MTHFD1L: variants seen among roughly 807,000 people sequenced by gnomAD.
The protein encoded by MTHFD1L is methylenetetrahydrofolate dehydrogenase (NADP+ dependent) 1 like, also known as monofunctional C1-tetrahydrofolate synthase, mitochondrial.
A neutral mutation model predicts 119.5 loss-of-function variants in MTHFD1L; 81 were observed. That is an observed-to-expected ratio of 0.68 (90% CI 0.57 to 0.82). The LOEUF is 0.82. Among genes scored for constraint, MTHFD1L ranks in the 40% least tolerant of loss-of-function variants. The pLI, the probability that MTHFD1L is intolerant of heterozygous loss-of-function variation, is 0.00. For missense variants in MTHFD1L, 1,125 were observed against 1,253.4 expected, an observed-to-expected ratio of 0.90 and a Z score of 1.55; for synonymous variants, 430 against 475.2, an observed-to-expected ratio of 0.90 and a Z score of 1.24.
At chr6:150,894,563 C>T (rs1208774080) in intron 7 of MTHFD1L, among the ~76,000 whole-genome samples, 1 of 152,216 alleles carries the variant, frequency 6.6e-6, no homozygotes, top group Non-Finnish European at 1.5e-5. Flanking sequence ...GACTCCCTTC[C>T]TCCAAAGCTG....
rs1281458363 is a variant in MTHFD1L at position 150,938,707 on chromosome 6, G to A, written c.1402G>A (p.Ala468Thr). 3.7e-6 allele frequency: 6 copies of A among 1,610,496 alleles called. No individual in the cohort carries two copies. Among genetic ancestry groups the A allele is most frequent in the African/African-American group, 1.3e-5 (1 of 74,834 alleles). The change falls in exon 13 of 28, where the codon GCG becomes ACG. Residue 468 changes from alanine (A) to threonine (T), a missense_variant. Physicochemically the swap from Ala to Thr is moderately conservative, Grantham distance 58. This residue lies in a region of MTHFD1L where 1,058 missense variants were observed against 1,151.2 expected (regional missense o/e 0.92). Transcript: ENST00000367321. ...CTTGCTCTGTTGTTTAGGAGGAGCCGCGGGTGGTGGATATGCCCAGGTCAT... is the reference window on the plus strand; with the variant it reads ...CTTGCTCTGTTGTTTAGGAGGAGCCACGGGTGGTGGATATGCCCAGGTCAT... ...GPTFGVKGGAAGGGYAQVIPM... is the reference protein window; with the variant it reads ...GPTFGVKGGATGGGYAQVIPM...
At chr6:151,075,597 A>T (rs770462052) in intron 26 of MTHFD1L, among the ~76,000 whole-genome samples, 8 of 152,210 alleles carry the variant, frequency 5.3e-5, no homozygotes, top group Non-Finnish European at 7.3e-5. Flanking sequence ...ATCAATAAGG[A>T]TTTAGAAGAC....
rs965882034 is a variant in MTHFD1L, at chr6:150,934,979, G to A, written c.1257-1825G>A. ...ATTTGCACCTGGAAATGGGGAATGG[G>A]CTATCAGACCAGACTTCTATCCTGT... On this transcript the variant is annotated intron_variant, in intron 11 of 27. Coordinates refer to ENST00000367321, the MANE Select transcript of MTHFD1L (RefSeq NM_015440.5). 3.2e-6 allele frequency: 5 copies of A among 1,548,456 alleles called. No homozygotes were observed. The African/African-American group carries it at 6.9e-5, about 21-fold the overall frequency.
At chr6:151,013,934 C>T (rs941539856) in intron 22 of MTHFD1L, 114 bp downstream of exon 22, 23 of 890,862 alleles carry the variant, frequency 2.6e-5, no homozygotes, top group Non-Finnish European at 3.5e-5. Flanking sequence ...CTGTTCTGTC[C>T]GGGCGCAGTG....
intron 20 of MTHFD1L, among the ~76,000 whole-genome samples, chr6:150,976,318 C>T (rs898183319): frequency 2.6e-5 from 4 of 152,182 alleles, no homozygotes; most frequent in African/African-American, 9.7e-5. Flanking sequence ...GGTTCTAACC[C>T]GTCAACCCTT....
At position 150,985,547 on chromosome 6, in the gene MTHFD1L, G is replaced by C. The variant is rs528037206; in HGVS notation, c.2125+13489G>C. 5.9e-5 allele frequency among the ~76,000 whole-genome samples: 9 copies of C among 151,458 alleles called. 1 individual carries two copies. The Middle Eastern group carries it at 0.017, about 286-fold the overall frequency. On this transcript the variant is annotated intron_variant, in intron 20 of 27. Coordinates refer to ENST00000367321, the MANE Select transcript of MTHFD1L (RefSeq NM_015440.5). ...TTGGTAGCATGCATTTGTAATCCCA[G>C]CTACTTGGGGGGCTGAGGAAAGAGA...
chr6:151,081,123 G>T (rs1047710182), intron 26 of MTHFD1L, among the ~76,000 whole-genome samples: 3 of 152,170 alleles, frequency 2.0e-5, no homozygotes, highest in Non-Finnish European at 4.4e-5. Context: ...CATTCAGCTG[G>T]TATCTGGAGT....
chr6:150,957,215 T>C (rs73017083), intron 17 of MTHFD1L, among the ~76,000 whole-genome samples: 20,677 of 152,244 alleles, frequency 0.14, 1,833 homozygotes, highest in Middle Eastern at 0.28. Flanking sequence ...TCAGTAAATA[T>C]CTGTTGAACA....
rs1158007442 is a variant in MTHFD1L, at chr6:151,026,820, C to CTTTTTTTTT, written c.2587-7654_2587-7646dup. ...TGAGATTTTTCCTGTCCTTTCTATC[C>CTTTTTTTTT]TTTTTTTTTTTTTTTTTTTTTTTTT... On this transcript the variant is annotated intron_variant, in intron 24 of 27. Transcript: ENST00000367321. Among the ~76,000 whole-genome samples the CTTTTTTTTT allele has an allele frequency of 9.7e-5, 5 of 51,284 alleles. 1 individual carries two copies. Among genetic ancestry groups the CTTTTTTTTT allele is most frequent in the Admixed American group, 6.7e-4 (2 of 2,970 alleles). 33.6% of individuals were successfully genotyped at this position (51,284 alleles called of 152,430 possible). A position where few individuals can be genotyped will look rare whatever the true frequency, so the allele number is the denominator to read the frequency against.
At chr6:151,074,112 GC>G (rs1792260320) in intron 26 of MTHFD1L, among the ~76,000 whole-genome samples, 2 of 152,198 alleles carry the variant, frequency 1.3e-5, no homozygotes, top group African/African-American at 4.8e-5. Flanking sequence ...AAAATTCACA[GC>G]CTAGAGTTTT....
At chr6:150,910,998 C>G (rs1326149453) in intron 8 of MTHFD1L, among the ~76,000 whole-genome samples, 3 of 152,160 alleles carry the variant, frequency 2.0e-5, no homozygotes, top group Admixed American at 6.5e-5. Context: ...GACTCTTGAA[C>G]TTTAGTAATT....
intron 17 of MTHFD1L, among the ~76,000 whole-genome samples, chr6:150,958,138 G>A (rs1795912293): frequency 6.6e-6 from 1 of 152,144 alleles, no homozygotes; most frequent in South Asian, 2.1e-4. Context: ...GTTATATCTT[G>A]TGTTGCTTCG....
rs1219393561 is a variant in MTHFD1L at position 151,033,121 on chromosome 6, C to CTT, written c.2587-1358_2587-1357dup. On this transcript the variant is annotated intron_variant, in intron 24 of 27. Coordinates refer to ENST00000367321, the MANE Select transcript of MTHFD1L (RefSeq NM_015440.5). Reference sequence around the variant, plus strand: ...ACTAATTGCATCATGCATATGCTTTCTTTTTTTTTTTTTTTGAGACAGAGT... The same window carrying CTT: ...ACTAATTGCATCATGCATATGCTTTCTTTTTTTTTTTTTTTTTGAGACAGAGT... Among the ~76,000 whole-genome samples the CTT allele has an allele frequency of 7.9e-3, 1,123 of 141,706 alleles. 13 individuals are homozygous for CTT. The highest frequency in any genetic ancestry group is 0.027 in the African/African-American group (1,032 of 38,754). 93.0% of individuals were successfully genotyped at this position (141,706 alleles called of 152,430 possible).
At chr6:151,091,006 T>C (rs1268643470) in intron 26 of MTHFD1L, among the ~76,000 whole-genome samples, 2 of 131,278 alleles carry the variant, frequency 1.5e-5, no homozygotes, top group African/African-American at 5.9e-5. Flanking sequence ...TCCATGCGAC[T>C]GGGTGCAGCA....
chr6:151,042,748 A>G (rs917214610), intron 26 of MTHFD1L, among the ~76,000 whole-genome samples: 1 of 152,268 alleles, frequency 6.6e-6, no homozygotes, highest in African/African-American at 2.4e-5. Flanking sequence ...CATTCCATGT[A>G]GAAAAAGACT....
chr6:150,923,151 GCTTT>G (rs1751380961), intron 10 of MTHFD1L, among the ~76,000 whole-genome samples: 1 of 152,146 alleles, frequency 6.6e-6, no homozygotes, highest in African/African-American at 2.4e-5. Context: ...ACTGAGCTCA[GCTTT>G]CTTCAGAACG....
chr6:150,869,888 G>C (rs374794637), intron 1 of MTHFD1L, among the ~76,000 whole-genome samples: 21 of 152,208 alleles, frequency 1.4e-4, no homozygotes, highest in African/African-American at 5.1e-4. Flanking sequence ...TAATCCCTCA[G>C]CCTCCCAAGT....
At chr6:150,929,638 TGCAGTCCATG>T (rs1288570387) in intron 11 of MTHFD1L, among the ~76,000 whole-genome samples, 2 of 152,236 alleles carry the variant, frequency 1.3e-5, no homozygotes, top group Non-Finnish European at 2.9e-5. Context: ...TTACAGCCAA[TGCAGTCCATG>T]GCCAGTAGAA....
chr6:150,997,439 A>G (rs1359997974), intron 20 of MTHFD1L, among the ~76,000 whole-genome samples: 1 of 152,194 alleles, frequency 6.6e-6, no homozygotes, highest in Non-Finnish European at 1.5e-5. Flanking sequence ...TGCGAGTAAC[A>G]GTGAAGATGT....
Sources: gnomAD v4.1 joint callset for allele counts (sites outside exome capture counted in the v4.1 genomes callset) on GRCh38, gnomAD v4.1.1 for gene constraint, gnomAD v4.1.1 regional missense constraint, MANE v1.5 for transcripts, NCBI Gene and HGNC (gene_info 2026-07-23, HGNC 2026-07-21) for gene names.